The following ASPSCR1 variants were observed in gnomAD, a reference collection of about 807,000 sequenced individuals.
The protein encoded by ASPSCR1 is tether containing UBX domain for GLUT4.
ASPSCR1 carries 55 observed loss-of-function variants against 68.9 expected under a neutral mutation model. The ratio of observed to expected loss-of-function variants is 0.80; its 90% confidence interval spans 0.64 to 1.00. ASPSCR1 has a LOEUF of 1.00. Ranked by LOEUF, ASPSCR1 falls within the 50% of genes least tolerant of loss-of-function variation. ASPSCR1 has a pLI of 0.00. For synonymous variants in ASPSCR1, 352 were observed against 332.6 expected, an observed-to-expected ratio of 1.06 and a Z score of -0.63; for missense variants, 765 against 762.2, an observed-to-expected ratio of 1.00 and a Z score of -0.04.
intron 15 of ASPSCR1, 46 bp from the exon 16 acceptor site, chr17:82,017,263 G>A: frequency 1.2e-6 from 2 of 1,608,042 alleles, no homozygotes; most frequent in Non-Finnish European, 1.7e-6. Context: ...TGGCCGGGTG[G>A]TGAGAGCCCG....
At chr17:81,997,380 C>T (rs931822434) in intron 7 of ASPSCR1, among the ~76,000 whole-genome samples, 1 of 152,028 alleles carries the variant, frequency 6.6e-6, no homozygotes, top group Non-Finnish European at 1.5e-5. Context: ...CTGGTGAACG[C>T]ATCAGCCAGT....
rs1016106755 is a variant in ASPSCR1 at position 81,986,774 on chromosome 17, G to T, written c.374+1167G>T. Among the ~76,000 whole-genome samples the T allele has an allele frequency of 6.6e-6, 1 of 152,216 alleles. No homozygotes were observed. The highest frequency in any genetic ancestry group is 1.5e-5 in the Non-Finnish European group (1 of 68,016). On this transcript the variant is annotated intron_variant, in intron 4 of 15. Coordinates refer to ENST00000306739, the MANE Select transcript of ASPSCR1 (RefSeq NM_024083.4). This position sits in a 1 kb window ranked among gnomAD's most constrained non-coding sequence, Gnocchi z 5.2. ...CGCTGGGAAGGTGACTGTGCGTTGG[G>T]CGCGCTTGGTGGCCCCAGGGCTGGG...
At chr17:81,995,019 AAG>A (rs529090430) in intron 5 of ASPSCR1, 141 bp downstream of exon 5, 7 of 958,502 alleles carry the variant, frequency 7.3e-6, no homozygotes, top group Non-Finnish European at 1.0e-5. Flanking sequence ...TTCATGGAAA[AAG>A]AGGGAGTGGC....
intron 3 of ASPSCR1, among the ~76,000 whole-genome samples, chr17:81,985,221 C>T (rs1430533884): frequency 6.6e-6 from 1 of 151,664 alleles, no homozygotes; most frequent in Non-Finnish European, 1.5e-5. Context: ...CACACAACTG[C>T]ACACCCCCGC....
intron 10 of ASPSCR1, 92 bp from the exon 11 acceptor site, chr17:82,011,451 C>T: frequency 1.6e-6 from 2 of 1,246,388 alleles, no homozygotes; most frequent in Non-Finnish European, 1.1e-6. Context: ...GGGGAAAGGC[C>T]CAGGAGGGTG....
intron 7 of ASPSCR1, among the ~76,000 whole-genome samples, chr17:82,001,784 G>A (rs1001085520): frequency 7.9e-5 from 12 of 152,090 alleles, no homozygotes; most frequent in African/African-American, 1.9e-4. Flanking sequence ...AGCCCTTCCC[G>A]GGCTCCCCCA....
intron 13 of ASPSCR1, 109 bp downstream of exon 13, chr17:82,016,636 G>C: frequency 6.7e-7 from 1 of 1,485,328 alleles, no homozygotes. Flanking sequence ...TTGGGTCTGA[G>C]AGGGAGATCT....
At chr17:81,993,047 C>T (rs903763985) in intron 4 of ASPSCR1, among the ~76,000 whole-genome samples, 1 of 152,072 alleles carries the variant, frequency 6.6e-6, no homozygotes, top group Non-Finnish European at 1.5e-5. Context: ...GGATTGAGGA[C>T]GTGAAAAATA....
In ASPSCR1 at chr17:81,990,954, C is replaced by T. The variant is rs943442634; in HGVS notation, c.375-3867C>T. Among the ~76,000 whole-genome samples, 7 of 152,084 alleles carry T rather than the reference C, an allele frequency of 4.6e-5. No individual in the cohort carries two copies. Among genetic ancestry groups the T allele is most frequent in the Non-Finnish European group, 8.8e-5 (6 of 68,020 alleles). ...GTCCCGTAGTTTGAATCCCACGTCC[C>T]GTAAGGACCTAGTTGCCAAGTGGTG... On this transcript the variant is annotated intron_variant, in intron 4 of 15. Transcript: ENST00000306739. The surrounding 1 kb of genome is among the most constrained non-coding windows in gnomAD (Gnocchi z 4.1).
intron 12 of ASPSCR1, among the ~76,000 whole-genome samples, chr17:82,012,681 A>T (rs2042991427): frequency 6.6e-6 from 1 of 152,086 alleles, no homozygotes; most frequent in Non-Finnish European, 1.5e-5. Context: ...CCTCAGCTGG[A>T]GGCGGCCGCC....
At position 82,017,380 on chromosome 17, in the gene ASPSCR1, AGG is replaced by A; in HGVS notation, c.*59_*60del. 6.2e-7 allele frequency: 1 copy of A among 1,610,704 alleles called. No homozygotes were observed. The highest frequency in any genetic ancestry group is 8.5e-7 in the Non-Finnish European group (1 of 1,178,854). On this transcript the variant is annotated 3_prime_UTR_variant, in exon 16 of 16. Coordinates refer to ENST00000306739, the MANE Select transcript of ASPSCR1 (RefSeq NM_024083.4). ...CCACAGGACCACCTCCTCTGCCAGC[AGG>A]AATAAAGACTTGTGCATCCCTCAAC...
In ASPSCR1 at chr17:81,994,849, A is replaced by C; in HGVS notation, c.403A>C (p.Thr135Pro). The change falls in exon 5 of 16, where the codon ACC (threonine) becomes CCC (proline). Residue 135 changes from threonine (T) to proline (P), a missense_variant. By Grantham distance (38) the Thr-to-Pro change is conservative. Transcript: ENST00000306739. ...RECLQHPGGA[T>P]PVCVYTRDEV... ...GTGCCTGCAGCACCCCGGCGGGGCC[A>C]CCCCAGTCTGCGTGTACACGAGGGA... 6.2e-7 allele frequency: 1 copy of C among 1,613,020 alleles called. No homozygotes were observed. Among genetic ancestry groups the C allele is most frequent in the South Asian group, 1.1e-5 (1 of 91,032 alleles).
At chr17:82,016,767 A>T in intron 13 of ASPSCR1, 33 bp from the exon 14 acceptor site, 2 of 1,599,338 alleles carry the variant, frequency 1.3e-6, no homozygotes, top group Non-Finnish European at 1.7e-6. Flanking sequence ...ACCCCTCCTC[A>T]GAGGCTCAGG....
At position 81,986,250 on chromosome 17, in the gene ASPSCR1, C is replaced by G. The variant is rs181623501; in HGVS notation, c.374+643C>G. On this transcript the variant is annotated intron_variant, in intron 4 of 15. Coordinates refer to ENST00000306739, the MANE Select transcript of ASPSCR1 (RefSeq NM_024083.4). This position sits in a 1 kb window ranked among gnomAD's most constrained non-coding sequence, Gnocchi z 5.2. Reference sequence around the variant, plus strand: ...ACTAGCCTCGGCAACATAGTGAAACCCCTTCTCTACAAAAAATAGAAATGT... The same window carrying G: ...ACTAGCCTCGGCAACATAGTGAAACGCCTTCTCTACAAAAAATAGAAATGT... Among the ~76,000 whole-genome samples, 158 of 152,116 alleles carry G rather than the reference C, an allele frequency of 1.0e-3. 1 individual carries two copies. The highest frequency in any genetic ancestry group is 4.6e-4 in the Non-Finnish European group (31 of 67,990).
chr17:81,998,421 T>C (rs2042426193), intron 7 of ASPSCR1, among the ~76,000 whole-genome samples: 2 of 152,176 alleles, frequency 1.3e-5, no homozygotes, highest in Non-Finnish European at 2.9e-5. Context: ...TTTCTTCCTG[T>C]GTTGCAGCGA....
At chr17:81,981,095 A>G (rs1353230797) in intron 2 of ASPSCR1, among the ~76,000 whole-genome samples, 1 of 152,234 alleles carries the variant, frequency 6.6e-6, no homozygotes, top group Non-Finnish European at 1.5e-5. Flanking sequence ...GAACCACTCC[A>G]TGGTTGGTGG....
At chr17:82,004,953 T>C (rs2042661798) in intron 7 of ASPSCR1, 1 of 152,346 alleles carries the variant, frequency 6.6e-6, no homozygotes, top group Non-Finnish European at 1.5e-5. Flanking sequence ...AGAGCCCAGC[T>C]GCTCCCATGG....
Position 81,986,985 on chromosome 17 carries a change from C to T in ASPSCR1, c.374+1378C>T, listed in dbSNP as rs149880133. ...TAAGCACGAGCACGGAATTCTCCCT[C>T]CCAAAACGGAACTCAGACAACAGTG... On this transcript the variant is annotated intron_variant, in intron 4 of 15. Coordinates refer to ENST00000306739, the MANE Select transcript of ASPSCR1 (RefSeq NM_024083.4). The surrounding 1 kb of genome is among the most constrained non-coding windows in gnomAD (Gnocchi z 5.2). Among the ~76,000 whole-genome samples, 299 of 152,274 alleles carry T rather than the reference C, an allele frequency of 2.0e-3. 2 individuals are homozygous for T. The highest frequency in any genetic ancestry group is 6.9e-3 in the African/African-American group (288 of 41,564).
At chr17:81,994,960 G>GTC in intron 5 of ASPSCR1, 82 bp downstream of exon 5, 1 of 1,428,068 alleles carries the variant, frequency 7.0e-7, no homozygotes, top group Non-Finnish European at 9.6e-7. Context: ...TCCCGCAGCC[G>GTC]TCTCCAGGGC....
Sources: allele counts gnomAD v4.1 joint callset (sites outside exome capture counted in the v4.1 genomes callset), GRCh38; gene constraint gnomAD v4.1.1; non-coding constraint Gnocchi (gnomAD v3.1); transcripts MANE v1.5; gene names NCBI Gene and HGNC (gene_info 2026-07-23, HGNC 2026-07-21).